Variants in MYO15B observed in about 807,000 individuals in gnomAD.
MYO15B encodes the protein myosin XVB.
MYO15B carries 207 observed loss-of-function variants against 119.3 expected under a neutral mutation model. The ratio of observed to expected loss-of-function variants is 1.73; its 90% CI spans 1.55 to 1.95. MYO15B has a LOEUF of 1.95. Among genes scored for constraint, MYO15B ranks in the 30% most tolerant of loss-of-function variants. The probability of loss-of-function intolerance (pLI) is 0.00; values close to 1 mark genes in which losing one functional copy is unlikely to be tolerated. For missense variants in MYO15B, 2,264 were observed against 1,203.1 expected (o/e 1.88, Z -13.04); for synonymous variants, 966 against 498.9 (o/e 1.94, Z -12.48).
At chr17:75,588,101 C>T in exon 1 of MYO15B, 1 of 398,288 alleles carries the variant, frequency 2.5e-6, no homozygotes, top group Non-Finnish European at 4.4e-6. Flanking sequence ...CTGGAGAGGC[C>T]CGGGAGGCCG....
At chr17:75,616,232 T>A (rs987796992) in intron 37 of MYO15B, 80 bp from the exon 38 acceptor site, 7 of 587,830 alleles carry the variant, frequency 1.2e-5, no homozygotes, top group African/African-American at 1.1e-4. Context: ...TGTGCTCTGC[T>A]CCCCGGAGTT....
At chr17:75,594,425 T>G (rs2056713194) in intron 9 of MYO15B, 50 bp from the exon 10 acceptor site, 3 of 567,234 alleles carry the variant, frequency 5.3e-6, no homozygotes, top group East Asian at 2.9e-5. Context: ...GCCTGGGGAG[T>G]GTGTCCATTC....
exon 61 of MYO15B, chr17:75,625,571 T>C: frequency 1.4e-6 from 1 of 702,462 alleles, no homozygotes; most frequent in Non-Finnish European, 2.6e-6. Context: ...CAACGGCAGG[T>C]GAACACGGCC....
intron 57 of MYO15B, 21 bp downstream of exon 57, chr17:75,624,468 G>A (rs1329698173): frequency 1.4e-6 from 1 of 702,922 alleles, no homozygotes; most frequent in South Asian, 1.5e-5. Flanking sequence ...GGGCCACCAA[G>A]GGAGGAGGCC....
chr17:75,596,846 G>T lies in MYO15B; in HGVS notation c.3472G>T (p.Asp1158Tyr), dbSNP rs141763815. The T allele has an allele frequency of 1.1e-3, 758 of 702,988 alleles. 5 individuals are homozygous for T. In the African/African-American group the frequency reaches 0.011, roughly 10 times the overall value. The allele number at this position is 702,988 out of a possible 1,614,324, so 43.5% of individuals were successfully genotyped here. A position where few individuals can be genotyped will look rare whatever the true frequency, so the allele number is the denominator to read the frequency against. Residue 1158 changes from aspartate (D) to tyrosine (Y), a missense_variant, in exon 14 of 64, where the codon GAT becomes TAT. Physicochemically the swap from Asp to Tyr is radical, Grantham distance 160. Transcript: ENST00000645453. ...GGAGTCCTGCCTAGACCTCCTGGTA[G>T]ATCAGCCCCACAGCCTCCTGAGTAT... is the stretch of plus-strand genomic sequence containing the variant.
At chr17:75,612,688 T>C in intron 25 of MYO15B, 110 bp from the exon 26 acceptor site, 2 of 638,802 alleles carry the variant, frequency 3.1e-6, no homozygotes, top group Non-Finnish European at 5.6e-6. Flanking sequence ...GGCATTAAGA[T>C]GCATTTCTGT....
At chr17:75,614,457 G>C in intron 30 of MYO15B, 97 bp downstream of exon 30, 2 of 665,226 alleles carry the variant, frequency 3.0e-6, no homozygotes, top group Non-Finnish European at 5.5e-6. Context: ...GCTGCCACAG[G>C]CCCAGCCCTC....
intron 47 of MYO15B, 53 bp downstream of exon 47, chr17:75,620,073 G>C: frequency 1.5e-6 from 1 of 677,788 alleles, no homozygotes; most frequent in Non-Finnish European, 2.7e-6. Flanking sequence ...CACCGATGCT[G>C]CATCTCCCTG....
rs1191639004 is a variant in MYO15B at position 75,615,061 on chromosome 17, C to CCT, written c.5641+21_5641+22dup. On this transcript the variant is annotated intron_variant, in intron 33 of 63. Coordinates refer to ENST00000645453, the Ensembl canonical transcript of MYO15B. The stretch of plus-strand genomic sequence containing the variant: ...CCCATGGGTGAGTGAGGGGCTGATT[C>CCT]CTCACCCAGGGCCTCCGGGCCCGGC... 1 of 699,690 alleles carries CCT rather than the reference C, an allele frequency of 1.4e-6. No individual in the cohort carries two copies. Among genetic ancestry groups the CCT allele is most frequent in the Non-Finnish European group, 2.6e-6 (1 of 383,536 alleles). The allele number at this position is 699,690 out of a possible 1,614,324, so 43.3% of individuals were successfully genotyped here.
chr17:75,587,996 C>T lies in MYO15B; in HGVS notation c.-62C>T, dbSNP rs1243717285. 2.5e-5 allele frequency: 10 copies of T among 397,932 alleles called. 1 individual carries two copies. The Admixed American group carries it at 2.6e-4, about 11-fold the overall frequency. The allele number at this position is 397,932 out of a possible 1,614,324, so 24.7% of individuals were successfully genotyped here. On this transcript the variant is annotated 5_prime_UTR_variant, in exon 1 of 64. Transcript: ENST00000645453. ...CTGCACAGAAGGTCACCGCGGGAGG[C>T]CAAATCCCCGGGGAGGGGAAAGGAC...
At chr17:75,625,801 C>T (rs1361261929) in intron 61 of MYO15B, 43 bp from the exon 62 acceptor site, 1 of 701,446 alleles carries the variant, frequency 1.4e-6, no homozygotes, top group South Asian at 1.5e-5. Flanking sequence ...GGTTCCAGGG[C>T]CCCAGCAGTC....
chr17:75,608,197 C>T (rs948452098), intron 21 of MYO15B, among the ~76,000 whole-genome samples: 7 of 152,256 alleles, frequency 4.6e-5, no homozygotes, highest in East Asian at 3.9e-4. Context: ...CAGCTCACTG[C>T]AACCTCTGCC....
At chr17:75,610,399 C>G in intron 22 of MYO15B, 140 bp downstream of exon 22, 2 of 540,388 alleles carry the variant, frequency 3.7e-6, no homozygotes, top group Non-Finnish European at 6.6e-6. Flanking sequence ...TCCTTGAACT[C>G]ATCCCTTTTC....
At position 75,602,481 on chromosome 17, in the gene MYO15B, C is replaced by T. The variant is rs780173129; in HGVS notation, c.3652-36C>T. On this transcript the variant is annotated intron_variant, in intron 15 of 63. Transcript: ENST00000645453. ...CCTTGGTTCCTGTTCTCCTCCCTTTCTCCACTTCCCTCCCCACCTGCATGG... is the reference window on the plus strand; with the variant it reads ...CCTTGGTTCCTGTTCTCCTCCCTTTTTCCACTTCCCTCCCCACCTGCATGG... 58 of 703,026 alleles carry T rather than the reference C, an allele frequency of 8.3e-5. No homozygotes were observed. The African/African-American group carries it at 8.9e-4, about 11-fold the overall frequency. 43.5% of individuals were successfully genotyped at this position (703,026 alleles called of 1,614,324 possible).
chr17:75,614,409 C>G (rs2058230604), intron 30 of MYO15B, 49 bp downstream of exon 30: 1 of 690,734 alleles, frequency 1.4e-6, no homozygotes, highest in African/African-American at 1.8e-5. Context: ...TGCCGGGGAA[C>G]CCCACAGCCA....
intron 62 of MYO15B, 26 bp downstream of exon 62, chr17:75,626,003 T>A (rs1370031212): frequency 1.4e-6 from 1 of 699,370 alleles, no homozygotes; most frequent in East Asian, 2.7e-5. Flanking sequence ...GCCTCAGCAC[T>A]GGCCTAGGGA....
At chr17:75,591,078 C>G in intron 3 of MYO15B, 62 bp downstream of exon 3, 1 of 689,706 alleles carries the variant, frequency 1.4e-6, no homozygotes, top group Non-Finnish European at 2.6e-6. Flanking sequence ...CCCTGCATGT[C>G]CCCTTGACTG....
chr17:75,594,814 G>A (rs2056744953), intron 11 of MYO15B, 26 bp from the exon 12 acceptor site: 3 of 702,724 alleles, frequency 4.3e-6, no homozygotes, highest in Admixed American at 2.0e-5. Context: ...GGCTCTATGT[G>A]GCTCACCCAC....
At chr17:75,607,232 A>G in intron 21 of MYO15B, 1 of 349,334 alleles carries the variant, frequency 2.9e-6, no homozygotes, top group Non-Finnish European at 5.1e-6. Flanking sequence ...TATTGCCCCC[A>G]AGACCCCCAG....
Sources: gnomAD v4.1 joint callset for allele counts (sites outside exome capture counted in the v4.1 genomes callset) on GRCh38, gnomAD v4.1.1 for gene constraint, MANE v1.5 for transcripts, NCBI Gene and HGNC (gene_info 2026-07-23, HGNC 2026-07-21) for gene names.